The following SMARCC1 variants were observed in gnomAD, a reference collection of about 807,000 sequenced individuals.
The protein encoded by SMARCC1 is SWI/SNF complex subunit SMARCC1.
Under a neutral mutation model 147.4 loss-of-function variants are expected in SMARCC1, and 43 were observed. The observed-to-expected ratio is 0.29, with a 90% CI of 0.23 to 0.38. The LOEUF (loss-of-function observed/expected upper bound fraction) is 0.38. Among genes scored for constraint, SMARCC1 ranks in the 10% least tolerant of loss-of-function variants. The pLI is 1.00. For missense variants in SMARCC1, 1,119 were observed against 1,381.1 expected (o/e 0.81, Z 3.01); for synonymous variants, 495 against 484.4 (o/e 1.02, Z -0.29).
chr3:47,731,419 A>G (rs2034373218), intron 5 of SMARCC1, among the ~76,000 whole-genome samples: 1 of 152,188 alleles, frequency 6.6e-6, no homozygotes, highest in South Asian at 2.1e-4. Context: ...CACGTCTTCC[A>G]AACTTGTTAC....
rs558368866 is a variant in SMARCC1 at position 47,616,036 on chromosome 3, C to T, written c.2782-5709G>A. On this transcript the variant is annotated intron_variant, in intron 25 of 27. Coordinates refer to ENST00000254480, the MANE Select transcript of SMARCC1 (RefSeq NM_003074.4). ...GCCAAATGAACTTCAGAGAGACAGA[C>T]AACATTTAGTCCAAAAGCTATAAAT... 5.9e-5 allele frequency among the ~76,000 whole-genome samples: 9 copies of T among 152,340 alleles called. No individual in the cohort carries two copies. In the East Asian group the frequency reaches 7.7e-4, roughly 13 times the overall value.
chr3:47,745,120 T>C (rs2034551280), intron 3 of SMARCC1, among the ~76,000 whole-genome samples: 1 of 151,936 alleles, frequency 6.6e-6, no homozygotes, highest in Admixed American at 6.6e-5. Context: ...ATGCAAAAAT[T>C]AGCTGGGCAT....
At chr3:47,768,787 AAATGAT>A (rs1294170791) in intron 2 of SMARCC1, among the ~76,000 whole-genome samples, 4 of 152,236 alleles carry the variant, frequency 2.6e-5, no homozygotes, top group African/African-American at 7.2e-5. Flanking sequence ...ATCCCACAGA[AAATGAT>A]AATGATAAAG....
At chr3:47,605,599 A>T (rs2032459511) in intron 26 of SMARCC1, among the ~76,000 whole-genome samples, 1 of 152,146 alleles carries the variant, frequency 6.6e-6, no homozygotes, top group Admixed American at 6.5e-5. Flanking sequence ...TAGTGAGCCC[A>T]TGTCTCTACA....
At position 47,676,703 on chromosome 3, in the gene SMARCC1, G is replaced by A. The variant is rs149194304; in HGVS notation, c.1651C>T (p.Pro551Ser). ...PESRPMAMGP[P>S]PTPHFNVLAD... is the part of the protein sequence containing the mutation. ...AATACATTAAAATGAGGAGTAGGAG[G>A]AGGTCCCATTGCCATGGGTCTACTT... The change falls in exon 17 of 28, where the codon CCT becomes TCT. Residue 551 changes from proline (P) to serine (S), a missense_variant. By Grantham distance (74) the Pro-to-Ser change is moderately conservative. This residue lies in a region of SMARCC1 where 178 missense variants were observed against 264.6 expected (regional missense o/e 0.67). Coordinates refer to ENST00000254480, the MANE Select transcript of SMARCC1 (RefSeq NM_003074.4). 3 of 1,613,196 alleles carry A rather than the reference G, an allele frequency of 1.9e-6. No individual in the cohort carries two copies. Among genetic ancestry groups the A allele is most frequent in the African/African-American group, 1.3e-5 (1 of 74,886 alleles).
In SMARCC1 at chr3:47,774,933, G is replaced by A. The variant is rs372326429; in HGVS notation, c.196-1997C>T. On this transcript the variant is annotated intron_variant, in intron 1 of 27. Coordinates refer to ENST00000254480, the MANE Select transcript of SMARCC1 (RefSeq NM_003074.4). ...TGATCCTCCTCCTCCACCTCCCAGA[G>A]AGCTAGGACTACAGAGGCGTGCCAA... 2.0e-4 allele frequency among the ~76,000 whole-genome samples: 30 copies of A among 151,974 alleles called. No individual in the cohort carries two copies. In the South Asian group the frequency reaches 5.6e-3, roughly 28 times the overall value.
chr3:47,615,013 T>TGGCTGTTTCCAGCACC (rs2032619071), intron 25 of SMARCC1, among the ~76,000 whole-genome samples: 2 of 152,196 alleles, frequency 1.3e-5, no homozygotes, highest in Admixed American at 6.5e-5. Flanking sequence ...GCCTCTGCAC[T>TGGCTGTTTCCAGCACC]GGCTGTTTCC....
intron 25 of SMARCC1, among the ~76,000 whole-genome samples, chr3:47,617,229 A>T (rs887924123): frequency 6.6e-6 from 1 of 152,262 alleles, no homozygotes; most frequent in Admixed American, 6.5e-5. Context: ...TACACAACCT[A>T]CCAGGTTCAA....
chr3:47,590,854 A>G lies in SMARCC1; in HGVS notation c.3044-17T>C. ...GTATCTGACCTGTGGAGGGAGATTTAAAGTACTGTAAGTATACTAGAAAGG... is the reference window on the plus strand; with the variant it reads ...GTATCTGACCTGTGGAGGGAGATTTGAAGTACTGTAAGTATACTAGAAAGG... On this transcript the variant is annotated splice_polypyrimidine_tract_variant and intron_variant, in intron 26 of 27. Coordinates refer to ENST00000254480, the MANE Select transcript of SMARCC1 (RefSeq NM_003074.4). 6.3e-7 allele frequency: 1 copy of G among 1,597,052 alleles called. No individual in the cohort carries two copies. The highest frequency in any genetic ancestry group is 1.1e-5 in the South Asian group (1 of 87,926).
At position 47,729,038 on chromosome 3, in the gene SMARCC1, G is replaced by A; in HGVS notation, c.633C>T (p.Ser211=). 1 of 1,609,370 alleles carries A rather than the reference G, an allele frequency of 6.2e-7. No individual in the cohort carries two copies. Among genetic ancestry groups the A allele is most frequent in the African/African-American group, 1.3e-5 (1 of 74,918 alleles). ...AAACTAACTTACCATCGTCTTGTGA[G>A]GAAGAATATGGGTAAATGTGGTGGG... The part of the protein sequence containing the change: ...KASHHIYPYS[S]SQDDEEWLRP... The change falls in exon 6 of 28, where the codon TCC becomes TCT. Residue 211 remains serine (S), a synonymous_variant. Coordinates refer to ENST00000254480, the MANE Select transcript of SMARCC1 (RefSeq NM_003074.4).
intron 11 of SMARCC1, among the ~76,000 whole-genome samples, chr3:47,700,302 C>T (rs1000020989): frequency 9.9e-5 from 15 of 152,056 alleles, no homozygotes; most frequent in Admixed American, 9.8e-4. Flanking sequence ...CTGTAATTCA[C>T]CAACTGATAT....
At chr3:47,710,431 C>T (rs1457396571) in intron 9 of SMARCC1, among the ~76,000 whole-genome samples, 1 of 151,996 alleles carries the variant, frequency 6.6e-6, no homozygotes, top group African/African-American at 2.4e-5. Context: ...TCAGCTATAC[C>T]ACTACCCTTC....
At chr3:47,719,623 A>G (rs944830173) in intron 7 of SMARCC1, among the ~76,000 whole-genome samples, 1 of 152,084 alleles carries the variant, frequency 6.6e-6, no homozygotes, top group Non-Finnish European at 1.5e-5. Flanking sequence ...GAATCACTTG[A>G]ACCCAGGAGG....
In SMARCC1 at chr3:47,670,457, C is replaced by T. The variant is rs113257545; in HGVS notation, c.1899+201G>A. 2,671 of 513,246 alleles carry T rather than the reference C, an allele frequency of 5.2e-3. 58 individuals carry two copies. Among genetic ancestry groups the T allele is most frequent in the African/African-American group, 0.044 (2,257 of 50,886 alleles). 31.8% of individuals were successfully genotyped at this position (513,246 alleles called of 1,614,324 possible). On this transcript the variant is annotated intron_variant, in intron 19 of 27. Transcript: ENST00000254480. ...AAAATTAGCCAGGCATGGTGGCACA[C>T]GCCCTTAGTCCCAGCTATTCAGGAC...
intron 2 of SMARCC1, among the ~76,000 whole-genome samples, chr3:47,769,194 G>A (rs1293612764): frequency 6.6e-5 from 8 of 120,582 alleles, no homozygotes; most frequent in Non-Finnish European, 9.8e-5. Context: ...CTGGATGACA[G>A]AGCGAGACTC....
At chr3:47,760,817 C>A (rs186481740) in intron 2 of SMARCC1, among the ~76,000 whole-genome samples, 26 of 152,248 alleles carry the variant, frequency 1.7e-4, no homozygotes, top group African/African-American at 6.3e-4. Flanking sequence ...CACAGTGAGA[C>A]CCTATCTCTA....
At chr3:47,605,989 A>G (rs1201167092) in intron 26 of SMARCC1, among the ~76,000 whole-genome samples, 16 of 150,170 alleles carry the variant, frequency 1.1e-4, no homozygotes, top group Admixed American at 1.1e-3. Context: ...GCAAGTATAA[A>G]GGAAGTAAAA....
In SMARCC1 at chr3:47,676,740, T is replaced by G. The variant is rs769304565; in HGVS notation, c.1614A>C (p.Gln538His). Reference protein sequence around the residue: ...FLEQWGLVNYQVDPESRPMAM... With the variant: ...FLEQWGLVNYHVDPESRPMAM... ...CCATGGGTCTACTTTCCGGGTCAACTTGGTAATTAACGAGTCCCCACTGCT... is the reference window on the plus strand; with the variant it reads ...CCATGGGTCTACTTTCCGGGTCAACGTGGTAATTAACGAGTCCCCACTGCT... The change falls in exon 17 of 28, where the codon CAA becomes CAC. Residue 538 changes from glutamine to histidine, a missense_variant. Physicochemically the swap from Gln to His is conservative, Grantham distance 24. Coordinates refer to ENST00000254480, the MANE Select transcript of SMARCC1 (RefSeq NM_003074.4). 6 of 1,613,654 alleles carry G rather than the reference T, an allele frequency of 3.7e-6. No individual in the cohort carries two copies. Among genetic ancestry groups the G allele is most frequent in the African/African-American group, 1.3e-5 (1 of 74,908 alleles).
intron 21 of SMARCC1, among the ~76,000 whole-genome samples, chr3:47,654,437 T>C (rs1281099176): frequency 6.6e-6 from 1 of 152,238 alleles, no homozygotes; most frequent in Non-Finnish European, 1.5e-5. Flanking sequence ...ACTCTCAAAT[T>C]GCTTTTAAAT....
Sources: gnomAD v4.1 joint callset for allele counts (sites outside exome capture counted in the v4.1 genomes callset) on GRCh38, gnomAD v4.1.1 for gene constraint, gnomAD v4.1.1 regional missense constraint, MANE v1.5 for transcripts, NCBI Gene and HGNC (gene_info 2026-07-23, HGNC 2026-07-21) for gene names.